ACTL10: variants seen among roughly 807,000 people sequenced by gnomAD.
ACTL10 encodes the protein actin like 10.
For synonymous variants in ACTL10, 180 were observed against 169.9 expected, an observed-to-expected ratio of 1.06 and a Z score of -0.46; for missense variants, 413 against 359.4, an observed-to-expected ratio of 1.15 and a Z score of -1.21.
rs765671968 is a variant in ACTL10, at chr20:33,668,051, C to G, written c.554C>G (p.Ala185Gly). ...FAERLDKELE[A>G]QCRRHGYAAL... ...GAGCGCCTGGACAAGGAGCTGGAGG[C>G]GCAGTGCCGGCGGCACGGCTACGCG... The change falls in exon 1 of 1, where the codon GCG (alanine) becomes GGG (glycine). Residue 185 changes from alanine to glycine, a missense_variant. Physicochemically the swap from Ala to Gly is moderately conservative, Grantham distance 60. Transcript: ENST00000677665. The G allele has an allele frequency of 3.2e-6, 5 of 1,558,376 alleles. No individual in the cohort carries two copies. In the African/African-American group the frequency reaches 5.5e-5, roughly 17 times the overall value.
In ACTL10 at chr20:33,668,369, G is replaced by A; in HGVS notation, c.*134G>A. ...TGGGTCACCCCCATACCCTTTCTGG[G>A]CCAGGAGAAGGTATTTGGGACCCAT... On this transcript the variant is annotated 3_prime_UTR_variant, in exon 1 of 1. Transcript: ENST00000677665. The A allele has an allele frequency of 2.3e-6, 3 of 1,288,644 alleles. No individual in the cohort carries two copies. The highest frequency in any genetic ancestry group is 3.1e-6 in the Non-Finnish European group (3 of 965,512). The allele number at this position is 1,288,644 out of a possible 1,614,324, so 79.8% of individuals were successfully genotyped here. A position where few individuals can be genotyped will look rare whatever the true frequency, so the allele number is the denominator to read the frequency against.
In ACTL10 at chr20:33,667,720, A is replaced by AAG; in HGVS notation, c.224_225dup (p.Ala76ArgfsTer91). 1.2e-6 allele frequency: 2 copies of AAG among 1,612,148 alleles called. No individual in the cohort carries two copies. Among genetic ancestry groups the AAG allele is most frequent in the South Asian group, 2.2e-5 (2 of 91,076 alleles). On this transcript the variant is annotated frameshift_variant, in exon 1 of 1. Coordinates refer to ENST00000677665, the MANE Select transcript of ACTL10 (RefSeq NM_001024675.2). LOFTEE classifies it low-confidence loss of function (END_TRUNC). ...CCTCTTGCAGCAGGCCCTGCCCCGC[A>AAG]AGGCCATCACACATCTCAAGAAGCG... is the stretch of plus-strand genomic sequence containing the variant.
rs762502284 is a variant in ACTL10, at chr20:33,667,870, G to C, written c.373G>C (p.Glu125Gln). The C allele has an allele frequency of 8.7e-6, 14 of 1,601,114 alleles. No individual in the cohort carries two copies. The African/African-American group carries it at 1.9e-4, about 21-fold the overall frequency. Reference sequence around the variant, plus strand: ...CAGCAGTGAGCGCTTCCGCTGCCCCGAACCCATCTTCCAGCCGGGCCTGCT... The same window carrying C: ...CAGCAGTGAGCGCTTCCGCTGCCCCCAACCCATCTTCCAGCCGGGCCTGCT... ...CLSSERFRCP[E>Q]PIFQPGLLGQ... Residue 125 changes from glutamate (E) to glutamine (Q), a missense_variant, in exon 1 of 1, where the codon GAA becomes CAA. Coordinates refer to ENST00000677665, the MANE Select transcript of ACTL10 (RefSeq NM_001024675.2).
Position 33,668,043 on chromosome 20 carries a change from G to A in ACTL10, c.546G>A (p.Glu182=), listed in dbSNP as rs760020118. Residue 182 remains glutamate (E), a synonymous_variant, in exon 1 of 1, where the codon GAG becomes GAA. Coordinates refer to ENST00000677665, the MANE Select transcript of ACTL10 (RefSeq NM_001024675.2). ...GCTTCGCCGAGCGCCTGGACAAGGA[G>A]CTGGAGGCGCAGTGCCGGCGGCACG... ...FPGFAERLDK[E]LEAQCRRHGY... The A allele has an allele frequency of 1.8e-5, 28 of 1,554,194 alleles. No individual in the cohort carries two copies. Among genetic ancestry groups the A allele is most frequent in the Non-Finnish European group, 2.4e-5 (28 of 1,149,338 alleles).
rs753664578 is a variant in ACTL10, at chr20:33,668,033, T to G, written c.536T>G (p.Leu179Arg). 22 of 1,547,304 alleles carry G rather than the reference T, an allele frequency of 1.4e-5. No individual in the cohort carries two copies. The highest frequency in any genetic ancestry group is 1.7e-5 in the Non-Finnish European group (20 of 1,145,316). ...STLFPGFAER[L>R]DKELEAQCRR... Reference sequence around the variant, plus strand: ...CTGTTTCCTGGCTTCGCCGAGCGCCTGGACAAGGAGCTGGAGGCGCAGTGC... The same window carrying G: ...CTGTTTCCTGGCTTCGCCGAGCGCCGGGACAAGGAGCTGGAGGCGCAGTGC... The change falls in exon 1 of 1, where the codon CTG (leucine) becomes CGG (arginine). Residue 179 changes from leucine to arginine, a missense_variant. Coordinates refer to ENST00000677665, the MANE Select transcript of ACTL10 (RefSeq NM_001024675.2).
Position 33,668,101 on chromosome 20 carries a change from A to G in ACTL10, c.604A>G (p.Lys202Glu). Residue 202 changes from lysine (K) to glutamate (E), a missense_variant, in exon 1 of 1, where the codon AAG (lysine) becomes GAG (glutamate). By Grantham distance (56) the Lys-to-Glu change is moderately conservative (BLOSUM62 1). Coordinates refer to ENST00000677665, the MANE Select transcript of ACTL10 (RefSeq NM_001024675.2). ...YAALRPHLVA[K>E]HGRGMAVWTG... ...GGCCCTGCGGCCCCACCTGGTGGCC[A>G]AGCATGGGCGTGGCATGGCTGTGTG... 9 of 1,605,818 alleles carry G rather than the reference A, an allele frequency of 5.6e-6. No homozygotes were observed. In the African/African-American group the frequency reaches 8.0e-5, roughly 14 times the overall value.
In ACTL10 at chr20:33,667,245, C is replaced by T. The variant is rs1050661918; in HGVS notation, c.-253C>T. On this transcript the variant is annotated 5_prime_UTR_variant, in exon 1 of 1. Coordinates refer to ENST00000677665, the MANE Select transcript of ACTL10 (RefSeq NM_001024675.2). ...GCTCTAGCTTGGTGCCCAGCTGGGACCGGCCGGTGCTGCCCGGAGCGCCGG... is the reference window on the plus strand; with the variant it reads ...GCTCTAGCTTGGTGCCCAGCTGGGATCGGCCGGTGCTGCCCGGAGCGCCGG... 4 of 404,226 alleles carry T rather than the reference C, an allele frequency of 9.9e-6. No individual in the cohort carries two copies. The highest frequency in any genetic ancestry group is 1.7e-5 in the Non-Finnish European group (4 of 233,718). 25.0% of individuals were successfully genotyped at this position (404,226 alleles called of 1,614,324 possible).
Position 33,668,110 on chromosome 20 carries a change from C to G in ACTL10, c.613C>G (p.Arg205Gly). ...LRPHLVAKHG[R>G]GMAVWTGGSM... ...GCCCCACCTGGTGGCCAAGCATGGGCGTGGCATGGCTGTGTGGACCGGCGG... is the reference window on the plus strand; with the variant it reads ...GCCCCACCTGGTGGCCAAGCATGGGGGTGGCATGGCTGTGTGGACCGGCGG... Residue 205 changes from arginine (R) to glycine (G), a missense_variant, in exon 1 of 1, where the codon CGT becomes GGT. Physicochemically the swap from Arg to Gly is moderately radical, Grantham distance 125. Transcript: ENST00000677665. 3.1e-6 allele frequency: 5 copies of G among 1,608,630 alleles called. No homozygotes were observed. Among genetic ancestry groups the G allele is most frequent in the Non-Finnish European group, 4.2e-6 (5 of 1,177,912 alleles).
chr20:33,667,417 G>T lies in ACTL10; in HGVS notation c.-81G>T. ...AGAGCAGTGGCCCGTGCTGGTGAGC[G>T]ACTCGCCGTTGGCGCCGCCCGCGGG... On this transcript the variant is annotated 5_prime_UTR_variant, in exon 1 of 1. Transcript: ENST00000677665. The T allele has an allele frequency of 7.8e-6, 11 of 1,407,574 alleles. No individual in the cohort carries two copies. Among genetic ancestry groups the T allele is most frequent in the South Asian group, 3.1e-5 (2 of 64,720 alleles). The allele number at this position is 1,407,574 out of a possible 1,614,324, so 87.2% of individuals were successfully genotyped here. A position where few individuals can be genotyped will look rare whatever the true frequency, so the allele number is the denominator to read the frequency against.
rs753918376 is a variant in ACTL10 at position 33,668,192 on chromosome 20, A to G, written c.695A>G (p.Tyr232Cys). The G allele has an allele frequency of 6.2e-7, 1 of 1,608,744 alleles. No homozygotes were observed. Among genetic ancestry groups the G allele is most frequent in the Non-Finnish European group, 8.5e-7 (1 of 1,177,896 alleles). Reference protein sequence around the residue: ...FQRRWITRAMYQECGSRLLYD... With the variant: ...FQRRWITRAMCQECGSRLLYD... ...CGCCGCTGGATAACTCGGGCCATGT[A>G]CCAGGAGTGTGGCTCCAGGCTGCTG... Residue 232 changes from tyrosine (Y) to cysteine (C), a missense_variant, in exon 1 of 1, where the codon TAC (tyrosine) becomes TGC (cysteine). By Grantham distance (194) the Tyr-to-Cys change is radical (BLOSUM62 -2). Coordinates refer to ENST00000677665, the MANE Select transcript of ACTL10 (RefSeq NM_001024675.2).
chr20:33,667,393 G>C lies in ACTL10; in HGVS notation c.-105G>C. 1 of 1,374,868 alleles carries C rather than the reference G, an allele frequency of 7.3e-7. No homozygotes were observed. The highest frequency in any genetic ancestry group is 1.6e-5 in the South Asian group (1 of 61,406). The allele number at this position is 1,374,868 out of a possible 1,614,324, so 85.2% of individuals were successfully genotyped here. On this transcript the variant is annotated 5_prime_UTR_variant, in exon 1 of 1. Coordinates refer to ENST00000677665, the MANE Select transcript of ACTL10 (RefSeq NM_001024675.2). ...GGTGGGCGGCCTGCGGGTGTGCCCA[G>C]AGCAGTGGCCCGTGCTGGTGAGCGA... is the stretch of plus-strand genomic sequence containing the variant.
At position 33,668,059 on chromosome 20, in the gene ACTL10, C is replaced by T. The variant is rs763336707; in HGVS notation, c.562C>T (p.Arg188Trp). ...GGACAAGGAGCTGGAGGCGCAGTGC[C>T]GGCGGCACGGCTACGCGGCCCTGCG... ...RLDKELEAQCRRHGYAALRPH... is the reference protein window; with the variant it reads ...RLDKELEAQCWRHGYAALRPH... Residue 188 changes from arginine to tryptophan, a missense_variant, in exon 1 of 1, where the codon CGG becomes TGG. Arg to Trp is a moderately radical substitution (Grantham distance 101). Transcript: ENST00000677665. 2 of 1,566,686 alleles carry T rather than the reference C, an allele frequency of 1.3e-6. No individual in the cohort carries two copies. The highest frequency in any genetic ancestry group is 1.2e-5 in the South Asian group (1 of 86,912).
Position 33,667,743 on chromosome 20 carries a change from G to A in ACTL10, c.246G>A (p.Lys82=), listed in dbSNP as rs542910609. ...GCAAGGCCATCACACATCTCAAGAA[G>A]CGCAGCTGCTACGTGTCCCTGGACT... ...LPRKAITHLK[K]RSCYVSLDFE... is the part of the protein sequence containing the mutation. Residue 82 remains lysine, a synonymous_variant, in exon 1 of 1, where the codon AAG becomes AAA. Coordinates refer to ENST00000677665, the MANE Select transcript of ACTL10 (RefSeq NM_001024675.2). 5 of 1,612,472 alleles carry A rather than the reference G, an allele frequency of 3.1e-6. No individual in the cohort carries two copies. The highest frequency in any genetic ancestry group is 1.7e-6 in the Non-Finnish European group (2 of 1,179,936).
In ACTL10 at chr20:33,668,222, A is replaced by C; in HGVS notation, c.725A>C (p.Asp242Ala). The change falls in exon 1 of 1, where the codon GAT becomes GCT. Residue 242 changes from aspartate to alanine, a missense_variant. Transcript: ENST00000677665. ...GAGTGTGGCTCCAGGCTGCTGTACG[A>C]TGTGTTCAACTGAGTCAGGCTGGAC... ...YQECGSRLLY[D>A]VFN The C allele has an allele frequency of 6.3e-7, 1 of 1,593,946 alleles. No homozygotes were observed. Among genetic ancestry groups the C allele is most frequent in the Non-Finnish European group, 8.6e-7 (1 of 1,169,088 alleles).
Position 33,667,991 on chromosome 20 carries a change from T to C in ACTL10, c.494T>C (p.Leu165Pro). The C allele has an allele frequency of 6.5e-7, 1 of 1,547,042 alleles. No individual in the cohort carries two copies. The highest frequency in any genetic ancestry group is 8.7e-7 in the Non-Finnish European group (1 of 1,145,260). Residue 165 changes from leucine to proline, a missense_variant, in exon 1 of 1, where the codon CTA becomes CCA. Leu to Pro is a moderately conservative substitution (Grantham distance 98). Transcript: ENST00000677665. ...LRTRLADTVV[L>P]AGGSTLFPGF... ...ACACGCCTGGCAGACACCGTGGTGC[T>C]AGCCGGCGGCTCCACACTGTTTCCT...
In ACTL10 at chr20:33,667,978, GAC is replaced by G; in HGVS notation, c.484_485del (p.Thr162ArgfsTer?). On this transcript the variant is annotated frameshift_variant, in exon 1 of 1. Transcript: ENST00000677665. LOFTEE classifies it low-confidence loss of function (END_TRUNC). ...MPKTLRTRLA[D>X]TVVLAGGSTL... Reference sequence around the variant, plus strand: ...CAAAACGCTGCGGACACGCCTGGCAGACACCGTGGTGCTAGCCGGCGGCTCCA... The same window carrying G: ...CAAAACGCTGCGGACACGCCTGGCAGACCGTGGTGCTAGCCGGCGGCTCCA... The G allele has an allele frequency of 6.5e-7, 1 of 1,549,154 alleles. No homozygotes were observed. The highest frequency in any genetic ancestry group is 8.7e-7 in the Non-Finnish European group (1 of 1,146,576).
Position 33,668,318 on chromosome 20 carries a change from C to T in ACTL10, c.*83C>T. 1 of 1,510,338 alleles carries T rather than the reference C, an allele frequency of 6.6e-7. No homozygotes were observed. Among genetic ancestry groups the T allele is most frequent in the South Asian group, 1.3e-5 (1 of 75,416 alleles). 93.6% of individuals were successfully genotyped at this position (1,510,338 alleles called of 1,614,324 possible). On this transcript the variant is annotated 3_prime_UTR_variant, in exon 1 of 1. Transcript: ENST00000677665. The stretch of plus-strand genomic sequence containing the variant: ...GTCAAGTGTTTGGAGCTGGCAGGGT[C>T]CTCCTGGAGGTTGGAGCTGACTGGA...
rs1487201189 is a variant in ACTL10, at chr20:33,667,869, C to T, written c.372C>T (p.Pro124=). ...TCAGCAGTGAGCGCTTCCGCTGCCC[C>T]GAACCCATCTTCCAGCCGGGCCTGC... ...VCLSSERFRC[P]EPIFQPGLLG... is the part of the protein sequence containing the mutation. The change falls in exon 1 of 1, where the codon CCC becomes CCT. Residue 124 remains proline (P), a synonymous_variant. Coordinates refer to ENST00000677665, the MANE Select transcript of ACTL10 (RefSeq NM_001024675.2). The T allele has an allele frequency of 2.5e-6, 4 of 1,601,588 alleles. No individual in the cohort carries two copies. Among genetic ancestry groups the T allele is most frequent in the Admixed American group, 1.7e-5 (1 of 58,640 alleles).
At position 33,667,947 on chromosome 20, in the gene ACTL10, G is replaced by A. The variant is rs1442644810; in HGVS notation, c.450G>A (p.Lys150=). The A allele has an allele frequency of 6.4e-7, 1 of 1,554,190 alleles. No individual in the cohort carries two copies. The highest frequency in any genetic ancestry group is 1.4e-5 in the African/African-American group (1 of 73,318). ...LPALAFRALQ[K]MPKTLRTRLA... ...CGCTGGCCTTCCGGGCGCTGCAGAAGATGCCCAAAACGCTGCGGACACGCC... is the reference window on the plus strand; with the variant it reads ...CGCTGGCCTTCCGGGCGCTGCAGAAAATGCCCAAAACGCTGCGGACACGCC... The change falls in exon 1 of 1, where the codon AAG becomes AAA. Residue 150 remains lysine (K), a synonymous_variant. Coordinates refer to ENST00000677665, the MANE Select transcript of ACTL10 (RefSeq NM_001024675.2).
Sources: allele counts gnomAD v4.1 joint callset, GRCh38; gene constraint gnomAD v4.1.1; transcripts MANE v1.5; gene names NCBI Gene and HGNC (gene_info 2026-07-23, HGNC 2026-07-21).